The following DBT variants were observed in gnomAD, a reference collection of about 807,000 sequenced individuals.
DBT encodes the protein lipoamide acyltransferase component of branched-chain alpha-keto acid dehydrogenase complex, mitochondrial.
A neutral mutation model predicts 51.3 loss-of-function variants in DBT; 40 were observed. That is an observed-to-expected ratio of 0.78 (90% CI 0.61 to 1.02). The LOEUF is 1.02. DBT is among the 50% of genes least tolerant of loss of function. The pLI is 0.00. For synonymous variants in DBT, 181 were observed against 190.4 expected, an observed-to-expected ratio of 0.95 and a Z score of 0.41; for missense variants, 510 against 580.2, an observed-to-expected ratio of 0.88 and a Z score of 1.24.
chr1:100,208,921 A>AC (rs1239029611), intron 8 of DBT, among the ~76,000 whole-genome samples: 1 of 150,666 alleles, frequency 6.6e-6, no homozygotes, highest in Admixed American at 6.6e-5. Flanking sequence ...AAAAAAAAAA[A>AC]AAAAAGAAAA....
chr1:100,244,112 CT>C (rs36009006), intron 1 of DBT, among the ~76,000 whole-genome samples: 112,851 of 146,842 alleles, frequency 0.77, 45,225 homozygotes, highest in East Asian at 0.94. Context: ...GTCTGGTGGG[CT>C]TTTTTTTCAC....
At chr1:100,245,960 TAATA>T (rs1461801202) in intron 1 of DBT, among the ~76,000 whole-genome samples, 1 of 150,166 alleles carries the variant, frequency 6.7e-6, no homozygotes, top group Non-Finnish European at 1.5e-5. Flanking sequence ...TCAAAAATAA[TAATA>T]AATAAAATAA....
rs1031560364 is a variant in DBT, at chr1:100,194,293, G to A, written c.*1962C>T. The A allele has an allele frequency of 2.6e-5, 4 of 151,252 alleles. No individual in the cohort carries two copies. Among genetic ancestry groups the A allele is most frequent in the African/African-American group, 9.7e-5 (4 of 41,164 alleles). 9.4% of individuals were successfully genotyped at this position (151,252 alleles called of 1,614,324 possible). On this transcript the variant is annotated 3_prime_UTR_variant, in exon 11 of 11. Coordinates refer to ENST00000370132, the MANE Select transcript of DBT (RefSeq NM_001918.5). ...ATTGATCCTCTTGTCTCAGCTTCCTGAGTAGCTGGGACTATAGGTGCACAC... is the reference window on the plus strand; with the variant it reads ...ATTGATCCTCTTGTCTCAGCTTCCTAAGTAGCTGGGACTATAGGTGCACAC...
At position 100,243,586 on chromosome 1, in the gene DBT, T is replaced by C. The variant is rs139417464; in HGVS notation, c.52-2702A>G. On this transcript the variant is annotated intron_variant, in intron 1 of 10. Transcript: ENST00000370132. Reference sequence around the variant, plus strand: ...ATCCGCCCACCTTGGCCTCTCAAAGTACTAGGATTACAGGCCATGAGCCAT... The same window carrying C: ...ATCCGCCCACCTTGGCCTCTCAAAGCACTAGGATTACAGGCCATGAGCCAT... Among the ~76,000 whole-genome samples the C allele has an allele frequency of 8.5e-3, 1,298 of 152,190 alleles. 8 individuals carry two copies. The highest frequency in any genetic ancestry group is 0.014 in the Non-Finnish European group (957 of 68,000).
chr1:100,221,069 T>C (rs1662833037), intron 4 of DBT, among the ~76,000 whole-genome samples: 2 of 152,216 alleles, frequency 1.3e-5, no homozygotes, highest in Admixed American at 1.3e-4. Context: ...TATCCAAATA[T>C]ATAACATACA....
At chr1:100,197,334 G>C (rs1483389625) in intron 10 of DBT, among the ~76,000 whole-genome samples, 4 of 152,174 alleles carry the variant, frequency 2.6e-5, no homozygotes. Context: ...TGTGAGATGA[G>C]AAGCCCTTCA....
rs1316123351 is a variant in DBT, at chr1:100,218,712, A to G, written c.469T>C (p.Ser157Pro). 2 of 1,613,892 alleles carry G rather than the reference A, an allele frequency of 1.2e-6. No individual in the cohort carries two copies. The highest frequency in any genetic ancestry group is 1.3e-5 in the African/African-American group (1 of 74,920). Residue 157 changes from serine (S) to proline (P), a missense_variant, in exon 5 of 11, where the codon TCT (serine) becomes CCT (proline). Coordinates refer to ENST00000370132, the MANE Select transcript of DBT (RefSeq NM_001918.5). ...TCTTGGTGTGTATGTTCATCATGAG[A>G]CACTGCAGGAGTTTCAACAACATCT... is the stretch of plus-strand genomic sequence containing the variant. ...EEDVVETPAV[S>P]HDEHTHQEIK... is the part of the protein sequence containing the mutation.
intron 2 of DBT, among the ~76,000 whole-genome samples, chr1:100,237,313 T>C (rs1007294259): frequency 6.6e-6 from 1 of 152,186 alleles, no homozygotes. Flanking sequence ...CCAGCCCATA[T>C]GATCCTCTAG....
rs1660697075 is a variant in DBT, at chr1:100,189,099, G to T, written c.*7156C>A. On this transcript the variant is annotated 3_prime_UTR_variant, in exon 11 of 11. Coordinates refer to ENST00000370132, the MANE Select transcript of DBT (RefSeq NM_001918.5). ...CTCATGCCTGTAATCCCAAAGCTTT[G>T]TGAGGTGGAGGCGGGCAGATCACTT... is the stretch of plus-strand genomic sequence containing the variant. The T allele has an allele frequency of 6.6e-6, 1 of 152,242 alleles. No individual in the cohort carries two copies. The highest frequency in any genetic ancestry group is 2.4e-5 in the African/African-American group (1 of 41,460). The allele number at this position is 152,242 out of a possible 1,614,324, so 9.4% of individuals were successfully genotyped here. A position where few individuals can be genotyped will look rare whatever the true frequency, so the allele number is the denominator to read the frequency against.
intron 4 of DBT, among the ~76,000 whole-genome samples, chr1:100,227,925 C>A (rs1663314204): frequency 2.6e-5 from 4 of 152,074 alleles, no homozygotes; most frequent in Middle Eastern, 3.4e-3. Flanking sequence ...CTTGGCTCAC[C>A]ACAACCTCTG....
chr1:100,248,101 CAAAAAAAAA>C (rs1003290152), intron 1 of DBT, among the ~76,000 whole-genome samples: 1 of 75,140 alleles, frequency 1.3e-5, no homozygotes, highest in Non-Finnish European at 2.7e-5. Context: ...GACTCCATTT[CAAAAAAAAA>C]AAAAAAAAAG....
chr1:100,212,556 G>T (rs1195329993), intron 7 of DBT, among the ~76,000 whole-genome samples: 1 of 151,926 alleles, frequency 6.6e-6, no homozygotes, highest in African/African-American at 2.4e-5. Flanking sequence ...AAAGAAGAAA[G>T]AAAGAAAAAG....
At chr1:100,208,146 CA>C (rs200702732) in intron 8 of DBT, among the ~76,000 whole-genome samples, 6 of 148,910 alleles carry the variant, frequency 4.0e-5, no homozygotes, top group Middle Eastern at 3.4e-3. Context: ...AAAACAAAAA[CA>C]AAAAAAAACA....
intron 10 of DBT, among the ~76,000 whole-genome samples, chr1:100,201,781 C>T (rs915315855): frequency 1.3e-5 from 2 of 152,132 alleles, no homozygotes; most frequent in African/African-American, 2.4e-5. Context: ...ATTTTCACCC[C>T]AGAATTTCAT....
At chr1:100,248,898 C>T (rs1423611180) in intron 1 of DBT, 1 of 159,698 alleles carries the variant, frequency 6.3e-6, no homozygotes, top group Admixed American at 6.5e-5. Context: ...CATCACAGTA[C>T]CTCTCATGCT....
At chr1:100,210,185 C>T (rs2100787075) in intron 8 of DBT, among the ~76,000 whole-genome samples, 1 of 151,740 alleles carries the variant, frequency 6.6e-6, no homozygotes, top group South Asian at 2.1e-4. Context: ...GTGGCGCATG[C>T]CTATAGTCCC....
At chr1:100,210,255 G>A (rs1374720204) in intron 8 of DBT, among the ~76,000 whole-genome samples, 1 of 150,960 alleles carries the variant, frequency 6.6e-6, no homozygotes, top group Non-Finnish European at 1.5e-5. Flanking sequence ...AGGCTGCAGT[G>A]AGCCACAATC....
intron 1 of DBT, among the ~76,000 whole-genome samples, chr1:100,241,893 C>T (rs955916333): frequency 2.6e-5 from 4 of 152,032 alleles, no homozygotes; most frequent in South Asian, 4.2e-4. Context: ...TGGTGGCATG[C>T]GCCTGTAGTC....
At chr1:100,202,552 T>C (rs928017055) in intron 10 of DBT, among the ~76,000 whole-genome samples, 13 of 152,208 alleles carry the variant, frequency 8.5e-5, no homozygotes, top group Admixed American at 7.2e-4. Context: ...TCTTCAGGAC[T>C]TGAACTCAGC....
Sources: allele counts gnomAD v4.1 joint callset (sites outside exome capture counted in the v4.1 genomes callset), GRCh38; gene constraint gnomAD v4.1.1; transcripts MANE v1.5; gene names NCBI Gene and HGNC (gene_info 2026-07-23, HGNC 2026-07-21).